The following SEMA6A variants were observed in gnomAD, a reference collection of about 807,000 sequenced individuals.
SEMA6A encodes the protein semaphorin-6A.
In SEMA6A, 25 loss-of-function variants were observed where a neutral mutation model predicts 96.8. The observed-to-expected ratio is 0.26, with a 90% CI of 0.19 to 0.36. SEMA6A has a LOEUF of 0.36. Ranked by LOEUF, SEMA6A falls within the 10% of genes least tolerant of loss-of-function variation. The probability of loss-of-function intolerance (pLI) is 1.00; values close to 1 mark genes in which losing one functional copy is unlikely to be tolerated. For missense variants in SEMA6A, 1,363 were observed against 1,323.1 expected, an observed-to-expected ratio of 1.03 and a Z score of -0.47; for synonymous variants, 612 against 518.0, an observed-to-expected ratio of 1.18 and a Z score of -2.46.
chr5:116,488,842 G>A, intron 8 of SEMA6A, 46 bp downstream of exon 8: 1 of 1,519,164 alleles, frequency 6.6e-7, no homozygotes, highest in East Asian at 2.5e-5. Context: ...CACAAGATGT[G>A]TATTCCCCTC....
chr5:116,472,089 T>A (rs1249342827), intron 17 of SEMA6A, among the ~76,000 whole-genome samples: 2 of 152,186 alleles, frequency 1.3e-5, no homozygotes, highest in Non-Finnish European at 2.9e-5. Context: ...TGCCATCACA[T>A]GGATGTTTTT....
chr5:116,473,728 G>A (rs762674326), intron 16 of SEMA6A, among the ~76,000 whole-genome samples: 1 of 152,098 alleles, frequency 6.6e-6, no homozygotes, highest in African/African-American at 2.4e-5. Flanking sequence ...TATAATGATT[G>A]TACCAGTTAG....
intron 1 of SEMA6A, chr5:116,508,171 A>G (rs1293915632): frequency 6.6e-6 from 1 of 152,238 alleles, no homozygotes; most frequent in Non-Finnish European, 1.5e-5. Flanking sequence ...GGTACTCCAG[A>G]TTGAAGACGA....
rs1761377268 is a variant in SEMA6A at position 116,574,424 on chromosome 5, A to AG, written c.-279dup. 1 of 151,672 alleles carries AG rather than the reference A, an allele frequency of 6.6e-6. No individual in the cohort carries two copies. The highest frequency in any genetic ancestry group is 2.1e-4 in the South Asian group (1 of 4,768). The allele number at this position is 151,672 out of a possible 1,614,324, so 9.4% of individuals were successfully genotyped here. A position where few individuals can be genotyped will look rare whatever the true frequency, so the allele number is the denominator to read the frequency against. ...TCCAATGACGAGCGGAGAAGGGGAG[A>AG]GGAAAAAAGAAGCCAAAAAAAAAAA... On this transcript the variant is annotated 5_prime_UTR_variant, in exon 1 of 19. Transcript: ENST00000343348.
chr5:116,494,107 G>A lies in SEMA6A; in HGVS notation c.444+1306C>T, dbSNP rs113617571. ...TGCTTATCTATTATTAAATCCTACC[G>A]GTTTGGTTTTATCTATTCTCTTCCC... On this transcript the variant is annotated intron_variant, in intron 6 of 18. Transcript: ENST00000343348. Among the ~76,000 whole-genome samples the A allele has an allele frequency of 1.5e-3, 225 of 151,942 alleles. 1 individual carries two copies. Among genetic ancestry groups the A allele is most frequent in the African/African-American group, 5.0e-3 (208 of 41,356 alleles).
intron 1 of SEMA6A, among the ~76,000 whole-genome samples, chr5:116,516,385 T>A (rs1758669069): frequency 6.6e-6 from 1 of 152,150 alleles, no homozygotes; most frequent in African/African-American, 2.4e-5. Context: ...TTGGGGAAAT[T>A]CATTTCGTTT....
intron 4 of SEMA6A, among the ~76,000 whole-genome samples, 166 bp downstream of exon 4, chr5:116,497,161 A>G (rs964129703): frequency 2.6e-5 from 4 of 152,248 alleles, no homozygotes; most frequent in Admixed American, 6.5e-5. Flanking sequence ...GTTTCTGAAC[A>G]TGTATCAAAT....
chr5:116,461,138 C>T (rs1755368838), intron 18 of SEMA6A, among the ~76,000 whole-genome samples: 3 of 152,206 alleles, frequency 2.0e-5, no homozygotes, highest in Middle Eastern at 3.4e-3. Flanking sequence ...AAATTTCTTA[C>T]GAACTTTGAA....
intron 1 of SEMA6A, among the ~76,000 whole-genome samples, chr5:116,507,722 G>A (rs1758214635): frequency 1.3e-5 from 2 of 152,120 alleles, no homozygotes; most frequent in African/African-American, 4.8e-5. Flanking sequence ...ATTAGATAAA[G>A]GAAGACTGTC....
At position 116,571,446 on chromosome 5, in the gene SEMA6A, T is replaced by C. The variant is rs140104912; in HGVS notation, c.-39+2739A>G. On this transcript the variant is annotated intron_variant, in intron 1 of 18. Transcript: ENST00000343348. The stretch of plus-strand genomic sequence containing the variant: ...AACACTGTACATCAGAAACATAAAG[T>C]AGAATGCTTCTTTACATCAAGTTGA... Among the ~76,000 whole-genome samples the C allele has an allele frequency of 1.2e-3, 182 of 152,348 alleles. 1 individual carries two copies. The highest frequency in any genetic ancestry group is 4.1e-3 in the African/African-American group (172 of 41,582).
intron 1 of SEMA6A, among the ~76,000 whole-genome samples, chr5:116,563,678 CTTG>C (rs1341122310): frequency 2.0e-5 from 3 of 152,214 alleles, no homozygotes; most frequent in Non-Finnish European, 2.9e-5. Flanking sequence ...TAATCACAAT[CTTG>C]TTATCATTTG....
intron 1 of SEMA6A, among the ~76,000 whole-genome samples, chr5:116,569,160 T>A (rs762871573): frequency 4.6e-5 from 7 of 151,776 alleles, no homozygotes; most frequent in Non-Finnish European, 1.0e-4. Context: ...AAGAAAAAAA[T>A]AAGGACTGCC....
chr5:116,481,484 TGG>T (rs1756767581), intron 11 of SEMA6A, among the ~76,000 whole-genome samples: 1 of 152,202 alleles, frequency 6.6e-6, no homozygotes, highest in Admixed American at 6.5e-5. Context: ...GTTTCTCCTC[TGG>T]GTTTAAGTGG....
At chr5:116,455,674 A>G (rs1754966979) in intron 18 of SEMA6A, among the ~76,000 whole-genome samples, 1 of 152,242 alleles carries the variant, frequency 6.6e-6, no homozygotes, top group South Asian at 2.1e-4. Context: ...AAGATAAAAC[A>G]GATATGAAGA....
rs16372 is a variant in SEMA6A, at chr5:116,446,264, ATG to A, written c.*347_*348del. 45 of 176,366 alleles carry A rather than the reference ATG, an allele frequency of 2.6e-4. No homozygotes were observed. Among genetic ancestry groups the A allele is most frequent in the South Asian group, 1.2e-3 (7 of 5,634 alleles). The allele number at this position is 176,366 out of a possible 1,614,324, so 10.9% of individuals were successfully genotyped here. A position where few individuals can be genotyped will look rare whatever the true frequency, so the allele number is the denominator to read the frequency against. On this transcript the variant is annotated 3_prime_UTR_variant, in exon 19 of 19. Transcript: ENST00000343348. ...GCGTGTGTGTGTATGTGTTGTGTGC[ATG>A]TGTGTGTGTGTGTGTGTGTGGGGGT...
chr5:116,507,437 A>G (rs1041017095), intron 1 of SEMA6A, among the ~76,000 whole-genome samples: 1 of 152,196 alleles, frequency 6.6e-6, no homozygotes, highest in African/African-American at 2.4e-5. Context: ...CATCCAAAGA[A>G]CACAGGCTTG....
intron 11 of SEMA6A, 78 bp from the exon 12 acceptor site, chr5:116,480,355 C>CT: frequency 6.5e-7 from 1 of 1,546,110 alleles, no homozygotes; most frequent in Non-Finnish European, 8.8e-7. Flanking sequence ...AACTGCTTCT[C>CT]TAAGCATCTG....
At chr5:116,520,195 A>G (rs1200145137) in intron 1 of SEMA6A, among the ~76,000 whole-genome samples, 1 of 151,514 alleles carries the variant, frequency 6.6e-6, no homozygotes, top group Non-Finnish European at 1.5e-5. Flanking sequence ...CTTTCTTCCA[A>G]GATCATAAAA....
chr5:116,558,797 T>G (rs578155629), intron 1 of SEMA6A, among the ~76,000 whole-genome samples: 8 of 152,310 alleles, frequency 5.3e-5, no homozygotes, highest in African/African-American at 1.9e-4. Context: ...ACAACACAAT[T>G]TAAGCGTTAT....
Sources: gnomAD v4.1 joint callset for allele counts (sites outside exome capture counted in the v4.1 genomes callset) on GRCh38, gnomAD v4.1.1 for gene constraint, MANE v1.5 for transcripts, NCBI Gene and HGNC (gene_info 2026-07-23, HGNC 2026-07-21) for gene names.